The following TCF12 variants were observed in gnomAD, a reference collection of about 807,000 sequenced individuals.
TCF12 encodes DNA-binding protein HTF4.
TCF12 carries 45 observed loss-of-function variants against 86.0 expected under a neutral mutation model. The ratio of observed to expected loss-of-function variants is 0.52; its 90% confidence interval spans 0.41 to 0.67. TCF12 has a LOEUF of 0.67. TCF12 is among the 30% of genes least tolerant of loss of function. The pLI is 0.00. For missense variants in TCF12, 881 were observed against 859.9 expected (o/e 1.02, Z -0.31); for synonymous variants, 330 against 299.6 (o/e 1.10, Z -1.05).
intron 5 of TCF12, 70 bp from the exon 6 acceptor site, chr15:57,166,332 T>G (rs780867538): frequency 8.1e-7 from 1 of 1,230,268 alleles, no homozygotes; most frequent in East Asian, 2.4e-5. Context: ...TTACCATGAA[T>G]AGTCTAGCAG....
At chr15:57,044,046 A>G (rs1271063226) in intron 3 of TCF12, among the ~76,000 whole-genome samples, 1 of 152,204 alleles carries the variant, frequency 6.6e-6, no homozygotes, top group African/African-American at 2.4e-5. Flanking sequence ...CAGTTTTTAC[A>G]TTCAGATTGG....
chr15:57,223,912 G>A (rs2058746070), intron 8 of TCF12, among the ~76,000 whole-genome samples: 1 of 151,356 alleles, frequency 6.6e-6, no homozygotes, highest in African/African-American at 2.4e-5. Context: ...TTTATAATAG[G>A]GAAAACATGA....
chr15:57,029,078 C>T (rs1384588071), intron 3 of TCF12, among the ~76,000 whole-genome samples: 1 of 152,168 alleles, frequency 6.6e-6, no homozygotes, highest in Admixed American at 6.5e-5. Flanking sequence ...AGGATACAGG[C>T]ATGAACCACC....
At chr15:57,279,794 A>C (rs2061594011) in intron 19 of TCF12, among the ~76,000 whole-genome samples, 1 of 151,712 alleles carries the variant, frequency 6.6e-6, no homozygotes. Context: ...TTCACATCTC[A>C]CATTCTCCTC....
chr15:57,091,705 TATTA>T, intron 4 of TCF12, 80 bp from the exon 5 acceptor site: 1 of 913,442 alleles, frequency 1.1e-6, no homozygotes, highest in Non-Finnish European at 1.7e-6. Context: ...TAAGTCTGTA[TATTA>T]ATTAGGTGAG....
chr15:57,067,666 A>G (rs1434852217), intron 4 of TCF12, among the ~76,000 whole-genome samples: 2 of 152,036 alleles, frequency 1.3e-5, no homozygotes, highest in African/African-American at 4.8e-5. Flanking sequence ...CCCAGAGGGA[A>G]GGAACAAACA....
chr15:57,108,243 G>A (rs1451113764), intron 5 of TCF12, among the ~76,000 whole-genome samples: 1 of 152,114 alleles, frequency 6.6e-6, no homozygotes, highest in African/African-American at 2.4e-5. Flanking sequence ...GGCAGTACAG[G>A]AGAAAAATAT....
chr15:57,169,597 A>G (rs1159767007), intron 6 of TCF12, among the ~76,000 whole-genome samples: 4 of 152,230 alleles, frequency 2.6e-5, no homozygotes, highest in Non-Finnish European at 5.9e-5. Context: ...TAATCCACAT[A>G]ACAAAAGATA....
At chr15:57,023,788 TTTTTGGCACCAGGAACTGGTTTTGTGG>T (rs1465699270) in intron 3 of TCF12, among the ~76,000 whole-genome samples, 1 of 152,208 alleles carries the variant, frequency 6.6e-6, no homozygotes, top group African/African-American at 2.4e-5. Flanking sequence ...GGTGCCAACC[TTTTTGGCACCAGGAACTGGTTTTGTGG>T]AAGACACTTT....
chr15:57,057,805 T>A (rs182993072), intron 3 of TCF12, among the ~76,000 whole-genome samples: 1 of 152,334 alleles, frequency 6.6e-6, no homozygotes, highest in East Asian at 1.9e-4. Context: ...TAGGAGACTA[T>A]TACAGTAATG....
At chr15:56,991,160 A>G (rs1415581890) in intron 3 of TCF12, among the ~76,000 whole-genome samples, 2 of 152,168 alleles carry the variant, frequency 1.3e-5, no homozygotes, top group African/African-American at 2.4e-5. Context: ...CCTTACGTAA[A>G]TGTGTCATGT....
rs201077561 is a variant in TCF12, at chr15:57,019,713, C to G, written c.149-44037C>G. On this transcript the variant is annotated intron_variant, in intron 3 of 20. Transcript: ENST00000333725. The stretch of plus-strand genomic sequence containing the variant: ...AAATTTTGAAAAACATCTCAAAAGA[C>G]CAGCCTTAGGTTCTCAATAGTGATG... Among the ~76,000 whole-genome samples, 7 of 151,876 alleles carry G rather than the reference C, an allele frequency of 4.6e-5. No homozygotes were observed. In the East Asian group the frequency reaches 1.2e-3, roughly 25 times the overall value.
intron 5 of TCF12, among the ~76,000 whole-genome samples, chr15:57,155,850 C>A (rs1346561417): frequency 6.6e-6 from 1 of 152,154 alleles, no homozygotes; most frequent in African/African-American, 2.4e-5. Flanking sequence ...TTAAGGCTCT[C>A]TTCTGGGCTT....
At chr15:57,004,987 T>A (rs2064264443) in intron 3 of TCF12, among the ~76,000 whole-genome samples, 1 of 152,232 alleles carries the variant, frequency 6.6e-6, no homozygotes, top group Non-Finnish European at 1.5e-5. Flanking sequence ...TTCCATTCAT[T>A]GAAAGCATTT....
At chr15:57,021,460 A>C (rs531163578) in intron 3 of TCF12, among the ~76,000 whole-genome samples, 1 of 152,366 alleles carries the variant, frequency 6.6e-6, no homozygotes, top group East Asian at 1.9e-4. Context: ...TGGCATCAAC[A>C]GTGGCTTAGC....
At chr15:57,186,185 A>G (rs527618547) in intron 6 of TCF12, among the ~76,000 whole-genome samples, 7 of 152,322 alleles carry the variant, frequency 4.6e-5, no homozygotes, top group African/African-American at 1.7e-4. Context: ...TAGAATTAGT[A>G]ATAAGAATCC....
At chr15:56,987,995 C>A (rs2063276277) in intron 3 of TCF12, among the ~76,000 whole-genome samples, 1 of 152,130 alleles carries the variant, frequency 6.6e-6, no homozygotes, top group Admixed American at 6.5e-5. Context: ...TTTCATATAT[C>A]ACTTGTATTA....
At chr15:57,227,552 T>G (rs1460199216) in intron 8 of TCF12, among the ~76,000 whole-genome samples, 1 of 152,152 alleles carries the variant, frequency 6.6e-6, no homozygotes, top group Non-Finnish European at 1.5e-5. Context: ...TTTTTAAAAG[T>G]TGCTTTACGG....
chr15:56,940,918 T>TC (rs1491229026), intron 3 of TCF12, among the ~76,000 whole-genome samples: 7 of 46,410 alleles, frequency 1.5e-4, no homozygotes, highest in South Asian at 1.5e-3. Context: ...CCAGCTGCTC[T>TC]TTTTTTTTTT....
Sources: allele counts gnomAD v4.1 joint callset (sites outside exome capture counted in the v4.1 genomes callset), GRCh38; gene constraint gnomAD v4.1.1; transcripts MANE v1.5; gene names NCBI Gene and HGNC (gene_info 2026-07-23, HGNC 2026-07-21).